DUOX1: variants seen among roughly 807,000 people sequenced by gnomAD.
DUOX1 encodes NADPH thyroid oxidase 1.
Under a neutral mutation model 181.8 loss-of-function variants are expected in DUOX1, and 134 were observed. That is an observed-to-expected ratio of 0.74 (90% CI 0.64 to 0.85). DUOX1 has a LOEUF of 0.85. Among genes scored for constraint, DUOX1 ranks in the 40% least tolerant of loss-of-function variants. DUOX1 has a pLI of 0.00. For synonymous variants in DUOX1, 798 were observed against 832.5 expected, an observed-to-expected ratio of 0.96 and a Z score of 0.71; for missense variants, 1,814 against 2,064.4, an observed-to-expected ratio of 0.88 and a Z score of 2.35.
At chr15:45,155,591 C>T in intron 27 of DUOX1, 1 of 441,312 alleles carries the variant, frequency 2.3e-6, no homozygotes, top group Non-Finnish European at 3.8e-6. Context: ...AAAAAAAAAT[C>T]ATGGTGACAA....
intron 27 of DUOX1, chr15:45,155,569 CAAAA>C (rs747495934): frequency 2.2e-3 from 680 of 306,800 alleles, no homozygotes; most frequent in Middle Eastern, 4.5e-3. Context: ...GACTCCATCT[CAAAA>C]AAAAAAAAAA....
chr15:45,165,034 C>A lies in DUOX1; in HGVS notation c.*133C>A. On this transcript the variant is annotated 3_prime_UTR_variant, in exon 34 of 34. Transcript: ENST00000389037. ...ACCTCCCAACCTTGTTCCAGGTGGC[C>A]ATAGTCAGTCACCATGTGTGGGCTC... The A allele has an allele frequency of 9.7e-7, 1 of 1,030,128 alleles. No homozygotes were observed. The allele number at this position is 1,030,128 out of a possible 1,614,324, so 63.8% of individuals were successfully genotyped here. A position where few individuals can be genotyped will look rare whatever the true frequency, so the allele number is the denominator to read the frequency against.
Position 45,136,336 on chromosome 15 carries a change from T to A in DUOX1, c.865-14T>A. 1.2e-6 allele frequency: 2 copies of A among 1,613,030 alleles called. No homozygotes were observed. On this transcript the variant is annotated splice_polypyrimidine_tract_variant and intron_variant, in intron 7 of 33. Transcript: ENST00000389037. The stretch of plus-strand genomic sequence containing the variant: ...TCCAACTCGTGCCTCCCCTCGCCCC[T>A]CTCTGCCCCTCAGAACATCGCTGTG...
chr15:45,137,909 C>T lies in DUOX1; in HGVS notation c.1023-15C>T. 1.9e-6 allele frequency: 3 copies of T among 1,592,690 alleles called. No individual in the cohort carries two copies. The highest frequency in any genetic ancestry group is 2.6e-6 in the Non-Finnish European group (3 of 1,167,178). On this transcript the variant is annotated splice_polypyrimidine_tract_variant and intron_variant, in intron 9 of 33. Transcript: ENST00000389037. ...CATTATCTCAATCACCATCTCCCTG[C>T]TCCTTGCATTTCAGAAATGCCAGCT...
intron 28 of DUOX1, 102 bp from the exon 29 acceptor site, chr15:45,160,734 TG>T (rs1897078188): frequency 5.3e-6 from 7 of 1,326,540 alleles, no homozygotes; most frequent in Non-Finnish European, 6.8e-6. Flanking sequence ...AGGTGGGGGC[TG>T]GATATACCAG....
intron 3 of DUOX1, 55 bp downstream of exon 3, chr15:45,134,002 T>G: frequency 6.2e-7 from 1 of 1,600,004 alleles, no homozygotes; most frequent in Non-Finnish European, 8.5e-7. Context: ...TACTGAGTGC[T>G]GCGGGGCAAG....
rs1245400057 is a variant in DUOX1, at chr15:45,147,652, A to G, written c.2542A>G (p.Met848Val). 1.9e-6 allele frequency: 3 copies of G among 1,614,118 alleles called. No homozygotes were observed. Among genetic ancestry groups the G allele is most frequent in the Non-Finnish European group, 1.7e-6 (2 of 1,180,008 alleles). ...REFLDILVVF[M>V]KGSPEEKSRL... Reference sequence around the variant, plus strand: ...GTTCCTGGACATCCTGGTGGTCTTCATGAAAGGTGAGGGAGGAGGGAATGA... The same window carrying G: ...GTTCCTGGACATCCTGGTGGTCTTCGTGAAAGGTGAGGGAGGAGGGAATGA... Residue 848 changes from methionine to valine, a missense_variant, in exon 19 of 34, where the codon ATG (methionine) becomes GTG (valine). By Grantham distance (21) the Met-to-Val change is conservative. Coordinates refer to ENST00000389037, the MANE Select transcript of DUOX1 (RefSeq NM_175940.3).
intron 31 of DUOX1, among the ~76,000 whole-genome samples, chr15:45,162,948 A>C (rs1038705194): frequency 6.6e-5 from 10 of 152,224 alleles, no homozygotes; most frequent in African/African-American, 2.4e-4. Context: ...CAGGTGAGTC[A>C]GGGGTGCTGG....
At position 45,152,470 on chromosome 15, in the gene DUOX1, C is replaced by G; in HGVS notation, c.3378C>G (p.Ala1126=). 1 of 1,614,200 alleles carries G rather than the reference C, an allele frequency of 6.2e-7. No individual in the cohort carries two copies. Among genetic ancestry groups the G allele is most frequent in the Non-Finnish European group, 8.5e-7 (1 of 1,180,032 alleles). Residue 1126 remains alanine, a synonymous_variant, in exon 25 of 34, where the codon GCC becomes GCG. Coordinates refer to ENST00000389037, the MANE Select transcript of DUOX1 (RefSeq NM_175940.3). ...FLNRYVPFDA[A]VDFHRLIAST... ...ACCGCTACGTGCCCTTCGACGCCGC[C>G]GTGGACTTCCATCGCCTCATTGCCT...
At chr15:45,138,075 T>C in intron 10 of DUOX1, 61 bp downstream of exon 10, 2 of 1,222,114 alleles carry the variant, frequency 1.6e-6, no homozygotes, top group Non-Finnish European at 2.3e-6. Context: ...TGTGTGTGTG[T>C]GTATGTGTGT....
intron 11 of DUOX1, 94 bp downstream of exon 11, chr15:45,139,262 G>T: frequency 6.2e-7 from 1 of 1,606,772 alleles, no homozygotes; most frequent in Non-Finnish European, 8.5e-7. Flanking sequence ...GGGGTGCCTG[G>T]GGCTGGGAGC....
chr15:45,150,299 C>A, intron 21 of DUOX1: 1 of 267,990 alleles, frequency 3.7e-6, no homozygotes. Context: ...GATCTTAAGC[C>A]AAATTTTTAT....
intron 28 of DUOX1, among the ~76,000 whole-genome samples, chr15:45,156,438 T>G (rs112377600): frequency 0.027 from 4,113 of 152,284 alleles, 184 homozygotes; most frequent in African/African-American, 0.093. Context: ...TGAATTTTTA[T>G]TTTTTATTTT....
rs1378560397 is a variant in DUOX1, at chr15:45,152,342, A to T, written c.3250A>T (p.Ile1084Phe). The T allele has an allele frequency of 6.2e-7, 1 of 1,614,048 alleles. No homozygotes were observed. The highest frequency in any genetic ancestry group is 8.5e-7 in the Non-Finnish European group (1 of 1,180,030). Residue 1084 changes from isoleucine (I) to phenylalanine (F), a missense_variant, in exon 25 of 34, where the codon ATC (isoleucine) becomes TTC (phenylalanine). By Grantham distance (21) the Ile-to-Phe change is conservative (BLOSUM62 0). This residue lies in a region of DUOX1 where 1,064 missense variants were observed against 1,152.9 expected (regional missense o/e 0.92). Coordinates refer to ENST00000389037, the MANE Select transcript of DUOX1 (RefSeq NM_175940.3). Reference sequence around the variant, plus strand: ...CACAGACACCACCCGCGTGGGAATCATCCTGTCGCGGGGCACAGCAGCCAG... The same window carrying T: ...CACAGACACCACCCGCGTGGGAATCTTCCTGTCGCGGGGCACAGCAGCCAG... ...GITDTTRVGI[I>F]LSRGTAASIS...
In DUOX1 at chr15:45,136,008, G is replaced by A. The variant is rs572937704; in HGVS notation, c.864+60G>A. 1,929 of 809,426 alleles carry A rather than the reference G, an allele frequency of 2.4e-3. 23 individuals carry two copies. The African/African-American group carries it at 0.027, about 11-fold the overall frequency. The allele number at this position is 809,426 out of a possible 1,614,324, so 50.1% of individuals were successfully genotyped here. A position where few individuals can be genotyped will look rare whatever the true frequency, so the allele number is the denominator to read the frequency against. ...CGCGTGCAAGCCCACGGGAGACTCC[G>A]CTGCCCCATGGAGCTCCCCATCTGT... On this transcript the variant is annotated intron_variant, in intron 7 of 33. Transcript: ENST00000389037.
At position 45,135,111 on chromosome 15, in the gene DUOX1, C is replaced by G. The variant is rs765394781; in HGVS notation, c.315C>G (p.His105Gln). Residue 105 changes from histidine (H) to glutamine (Q), a missense_variant, in exon 5 of 34, where the codon CAC becomes CAG. His to Gln is a conservative substitution (Grantham distance 24, BLOSUM62 0). Transcript: ENST00000389037. ...RTVLGVFFGY[H>Q]VLSDLVSVET... The stretch of plus-strand genomic sequence containing the variant: ...CTCCTGCACTGCCCGCAGGCTATCA[C>G]GTGCTTTCAGACCTGGTGAGCGTGG... The G allele has an allele frequency of 1.3e-5, 21 of 1,613,568 alleles. 1 individual carries two copies. In the Admixed American group the frequency reaches 1.8e-4, roughly 14 times the overall value.
At chr15:45,138,081 T>TGTGTGTGC in intron 10 of DUOX1, 67 bp downstream of exon 10, 2 of 879,544 alleles carry the variant, frequency 2.3e-6, no homozygotes, top group Non-Finnish European at 3.2e-6. Context: ...TGTGTGTATG[T>TGTGTGTGC]GTGTGTGTGT....
rs1192047213 is a variant in DUOX1 at position 45,135,895 on chromosome 15, G to T, written c.811G>T (p.Glu271Ter). 19 of 1,455,688 alleles carry T rather than the reference G, an allele frequency of 1.3e-5. 1 individual carries two copies. In the South Asian group the frequency reaches 2.5e-4, roughly 19 times the overall value. 90.2% of individuals were successfully genotyped at this position (1,455,688 alleles called of 1,614,324 possible). The change falls in exon 7 of 34, where the codon GAG becomes TAG. Residue 271 changes from glutamate (E) to a stop codon, truncating the protein, a stop_gained. Transcript: ENST00000389037. LOFTEE classifies it high-confidence loss of function. ...QRLARQHPDW[E>*]DEELFQHARK... The stretch of plus-strand genomic sequence containing the variant: ...GCTGGCCCGCCAGCACCCAGACTGG[G>T]AGGACGAGGAGCTGTTCCAGCACGC...
In DUOX1 at chr15:45,143,135, G is replaced by A. The variant is rs1896551713; in HGVS notation, c.1823-55G>A. ...CAGGTAAGGAGCTGAGAAAGGAGCT[G>A]CTTCCATCCCCTAGACCCCCACGTC... is the stretch of plus-strand genomic sequence containing the variant. On this transcript the variant is annotated intron_variant, in intron 15 of 33. Transcript: ENST00000389037. 5.0e-6 allele frequency: 7 copies of A among 1,394,078 alleles called. No homozygotes were observed. In the Admixed American group the frequency reaches 7.0e-5, roughly 14 times the overall value. 86.4% of individuals were successfully genotyped at this position (1,394,078 alleles called of 1,614,324 possible).
Sources: allele counts gnomAD v4.1 joint callset (sites outside exome capture counted in the v4.1 genomes callset), GRCh38; gene constraint gnomAD v4.1.1; regional missense constraint gnomAD v4.1.1; transcripts MANE v1.5; gene names NCBI Gene and HGNC (gene_info 2026-07-23, HGNC 2026-07-21).